CSMD3: variants seen among roughly 807,000 people sequenced by gnomAD.
CSMD3 encodes CUB and sushi domain-containing protein 3.
CSMD3 carries 177 observed loss-of-function variants against 435.2 expected under a neutral mutation model. That is an observed-to-expected ratio of 0.41 (90% CI 0.36 to 0.46). The LOEUF is 0.46. Ranked by LOEUF, CSMD3 falls within the 20% of genes least tolerant of loss-of-function variation. CSMD3 has a pLI of 0.34. For synonymous variants in CSMD3, 1,656 were observed against 1,520.5 expected, an observed-to-expected ratio of 1.09 and a Z score of -2.07; for missense variants, 4,265 against 4,504.6, an observed-to-expected ratio of 0.95 and a Z score of 1.52.
chr8:112,379,223 A>G (rs1829242283), intron 38 of CSMD3, among the ~76,000 whole-genome samples: 1 of 152,208 alleles, frequency 6.6e-6, no homozygotes, highest in Admixed American at 6.5e-5. Context: ...TAATCCCAAA[A>G]CTTTGGGAAG....
chr8:113,137,523 T>A (rs1447299313), intron 4 of CSMD3, among the ~76,000 whole-genome samples: 1 of 151,654 alleles, frequency 6.6e-6, no homozygotes, highest in Non-Finnish European at 1.5e-5. Context: ...TTATTTCCCA[T>A]AGTTTTGGAG....
rs147630661 is a variant in CSMD3 at position 112,714,659 on chromosome 8, A to G, written c.1973-24609T>C. Among the ~76,000 whole-genome samples, 901 of 152,262 alleles carry G rather than the reference A, an allele frequency of 5.9e-3. 4 individuals are homozygous for G. The highest frequency in any genetic ancestry group is 0.02 in the Middle Eastern group (6 of 294). On this transcript the variant is annotated intron_variant, in intron 13 of 70. Coordinates refer to ENST00000297405, the MANE Select transcript of CSMD3 (RefSeq NM_198123.2). ...GCCACATCTCACTTATTCTAAAATC[A>G]ACCACATAATTAGAAGTAAAGCTCC...
chr8:112,921,459 A>T (rs2082740807), intron 10 of CSMD3, among the ~76,000 whole-genome samples, 168 bp downstream of exon 10: 1 of 152,090 alleles, frequency 6.6e-6, no homozygotes, highest in Admixed American at 6.6e-5. Context: ...GGAACCTAAT[A>T]GATTGATTCA....
At chr8:112,721,664 T>G (rs968953863) in intron 13 of CSMD3, among the ~76,000 whole-genome samples, 1 of 152,200 alleles carries the variant, frequency 6.6e-6, no homozygotes, top group African/African-American at 2.4e-5. Context: ...TAATGCATTG[T>G]TCCTTGATGC....
intron 56 of CSMD3, 78 bp from the exon 57 acceptor site, chr8:112,289,616 A>G: frequency 1.1e-6 from 1 of 911,232 alleles, no homozygotes; most frequent in East Asian, 2.7e-5. Context: ...TTTATAGAAC[A>G]TACCAGAAGT....
intron 1 of CSMD3, among the ~76,000 whole-genome samples, chr8:113,374,849 C>CAAAAAAAAA (rs1251115132): frequency 0.01 from 209 of 20,878 alleles, 3 homozygotes; most frequent in African/African-American, 0.02. Flanking sequence ...AAAAAAAAAC[C>CAAAAAAAAA]AATAAAATGA....
chr8:113,404,367 C>T (rs368169809), intron 1 of CSMD3, among the ~76,000 whole-genome samples: 2 of 151,210 alleles, frequency 1.3e-5, no homozygotes, highest in East Asian at 3.9e-4. Context: ...AATTCATAAG[C>T]ATAAACATAC....
chr8:113,066,836 T>C (rs1389885265), intron 5 of CSMD3, among the ~76,000 whole-genome samples: 1 of 152,078 alleles, frequency 6.6e-6, no homozygotes, highest in Admixed American at 6.5e-5. Context: ...TTGGTTAAAA[T>C]TCTCATATAG....
chr8:112,385,303 A>G (rs113271058), intron 36 of CSMD3, among the ~76,000 whole-genome samples: 10 of 152,302 alleles, frequency 6.6e-5, no homozygotes, highest in African/African-American at 9.6e-5. Context: ...AAATTCATAA[A>G]TTCATTGTAA....
intron 13 of CSMD3, among the ~76,000 whole-genome samples, chr8:112,699,869 C>T (rs1186212881): frequency 6.6e-6 from 1 of 152,086 alleles, no homozygotes; most frequent in Non-Finnish European, 1.5e-5. Flanking sequence ...CATTGAGGAA[C>T]TCATCCAGAT....
At chr8:112,659,052 C>T (rs1248365923) in intron 17 of CSMD3, among the ~76,000 whole-genome samples, 1 of 152,122 alleles carries the variant, frequency 6.6e-6, no homozygotes, top group African/African-American at 2.4e-5. Context: ...GATAGCTAGT[C>T]AGCTGACAGC....
chr8:112,483,405 AC>A (rs1819817678), intron 31 of CSMD3, among the ~76,000 whole-genome samples: 1 of 152,114 alleles, frequency 6.6e-6, no homozygotes, highest in Non-Finnish European at 1.5e-5. Context: ...AGGCAAGAGA[AC>A]CAGGAGGCAG....
At chr8:112,954,173 G>A (rs910783617) in intron 8 of CSMD3, among the ~76,000 whole-genome samples, 9 of 151,432 alleles carry the variant, frequency 5.9e-5, no homozygotes, top group African/African-American at 1.9e-4. Context: ...GAAGTGAATA[G>A]CAATAATTAA....
intron 5 of CSMD3, among the ~76,000 whole-genome samples, chr8:113,060,005 T>TA (rs397933666): frequency 3.3e-5 from 5 of 149,636 alleles, no homozygotes; most frequent in African/African-American, 7.3e-5. Flanking sequence ...ATTTTTTTTT[T>TA]ATTATACTCT....
intron 13 of CSMD3, among the ~76,000 whole-genome samples, chr8:112,757,637 T>G (rs1420674315): frequency 1.3e-5 from 2 of 152,126 alleles, no homozygotes; most frequent in East Asian, 3.9e-4. Flanking sequence ...GAAGAGCAGT[T>G]GATTTTTAGT....
At chr8:112,778,198 T>C (rs1275022076) in intron 13 of CSMD3, among the ~76,000 whole-genome samples, 1 of 151,884 alleles carries the variant, frequency 6.6e-6, no homozygotes, top group East Asian at 1.9e-4. Flanking sequence ...TTAAAATTAA[T>C]GAAACTACAC....
intron 38 of CSMD3, among the ~76,000 whole-genome samples, chr8:112,352,993 G>A (rs1255004918): frequency 2.0e-5 from 3 of 151,700 alleles, no homozygotes; most frequent in South Asian, 4.2e-4. Context: ...ATTCTGAATC[G>A]GCTTTTAAAT....
At chr8:112,868,720 C>T (rs982465975) in intron 10 of CSMD3, among the ~76,000 whole-genome samples, 20 of 152,058 alleles carry the variant, frequency 1.3e-4, no homozygotes, top group Admixed American at 2.0e-4. Flanking sequence ...AATATATAGT[C>T]AACTAACCTG....
chr8:113,324,263 C>A (rs1465056786), intron 1 of CSMD3, among the ~76,000 whole-genome samples: 1 of 152,164 alleles, frequency 6.6e-6, no homozygotes, highest in Non-Finnish European at 1.5e-5. Flanking sequence ...GGGAAAAGGT[C>A]TCCAGGGCAT....
Sources: gnomAD v4.1 joint callset for allele counts (sites outside exome capture counted in the v4.1 genomes callset) on GRCh38, gnomAD v4.1.1 for gene constraint, MANE v1.5 for transcripts, NCBI Gene and HGNC (gene_info 2026-07-23, HGNC 2026-07-21) for gene names.